The following SAMSN1 variants were observed in gnomAD, a reference collection of about 807,000 sequenced individuals.
SAMSN1 encodes SAM domain, SH3 domain and nuclear localization signals 1.
In SAMSN1, 31 loss-of-function variants were observed where a neutral mutation model predicts 42.0. That is an observed-to-expected ratio of 0.74 (90% CI 0.55 to 1.00). The LOEUF is 1.00. Ranked by LOEUF, SAMSN1 falls within the 50% of genes least tolerant of loss-of-function variation. The pLI is 0.00. For synonymous variants in SAMSN1, 178 were observed against 151.9 expected (o/e 1.17, Z -1.26); for missense variants, 464 against 439.4 (o/e 1.06, Z -0.50).
chr21:14,596,740 T>C (rs2123287459), intron 6 of SAMSN1, among the ~76,000 whole-genome samples: 1 of 152,192 alleles, frequency 6.6e-6, no homozygotes, highest in African/African-American at 2.4e-5. Context: ...CACCTACCTA[T>C]AGCCATGAGA....
At chr21:14,586,262 CA>C (rs67482796), upstream of SAMSN1, among the ~76,000 whole-genome samples, 100 of 50,610 alleles carry the variant, frequency 2.0e-3, no homozygotes, top group South Asian at 3.7e-3. Context: ...GACTCCATCT[CA>C]AAAAAAAAAA....
chr21:14,634,160 CT>C (rs1983404508), intron 2 of SAMSN1, among the ~76,000 whole-genome samples: 2 of 150,870 alleles, frequency 1.3e-5, no homozygotes, highest in Non-Finnish European at 2.9e-5. Context: ...CAAAAATTAA[CT>C]CAAGATGGAT....
intron 4 of SAMSN1, among the ~76,000 whole-genome samples, chr21:14,610,120 G>T (rs2123320843): frequency 6.6e-6 from 1 of 152,280 alleles, no homozygotes; most frequent in East Asian, 1.9e-4. Context: ...TAACCTTAAA[G>T]TCTGGCTGCC....
exon 2 of SAMSN1, chr21:14,582,185 T>G (rs1420862935): frequency 6.4e-7 from 1 of 1,550,556 alleles, no homozygotes; most frequent in East Asian, 2.4e-5. Context: ...GAGACGTGTG[T>G]GGCGAATACA....
chr21:14,504,156 A>C (rs930741872), intron 5 of SAMSN1, among the ~76,000 whole-genome samples: 3 of 152,202 alleles, frequency 2.0e-5, no homozygotes, highest in African/African-American at 7.2e-5. Context: ...AATGAGAAGG[A>C]GCCAGAAAAC....
chr21:14,645,323 G>C (rs1050647146), intron 1 of SAMSN1, among the ~76,000 whole-genome samples: 1 of 152,234 alleles, frequency 6.6e-6, no homozygotes, highest in Non-Finnish European at 1.5e-5. Flanking sequence ...CACAGAGAGA[G>C]ACTCTGTATG....
At chr21:14,600,564 C>T (rs992358907) in intron 6 of SAMSN1, among the ~76,000 whole-genome samples, 3 of 152,134 alleles carry the variant, frequency 2.0e-5, no homozygotes, top group Non-Finnish European at 4.4e-5. Context: ...CCTTCAGAAG[C>T]ATTGTTGTTA....
intron 5 of SAMSN1, among the ~76,000 whole-genome samples, chr21:14,505,194 CA>C (rs113937656): frequency 6.6e-6 from 1 of 151,330 alleles, no homozygotes; most frequent in African/African-American, 2.4e-5. Context: ...CACAAAAAAC[CA>C]AAAAAAATGT....
chr21:14,586,272 A>G (rs1397115377), upstream of SAMSN1, among the ~76,000 whole-genome samples: 1 of 150,010 alleles, frequency 6.7e-6, no homozygotes, highest in Non-Finnish European at 1.5e-5. Flanking sequence ...CAAAAAAAAA[A>G]AAAAAAGAAA....
In SAMSN1 at chr21:14,577,284, A is replaced by ATTTTTTT. The variant is rs58491748; in HGVS notation, c.261+4845_261+4851dup. Among the ~76,000 whole-genome samples, 60 of 53,844 alleles carry ATTTTTTT rather than the reference A, an allele frequency of 1.1e-3. 4 individuals carry two copies. Among genetic ancestry groups the ATTTTTTT allele is most frequent in the East Asian group, 2.2e-3 (4 of 1,836 alleles). The allele number at this position is 53,844 out of a possible 152,430, so 35.3% of individuals were successfully genotyped here. ...TATATATATATATATATATATATAT[A>ATTTTTTT]TTTTTTTTTTAGAAGAGACAGGGTT... On this transcript the variant is annotated intron_variant, in intron 2 of 8. Coordinates refer to the SAMSN1 transcript ENST00000285670.
intron 1 of SAMSN1, among the ~76,000 whole-genome samples, chr21:14,544,125 C>G (rs1335882984): frequency 6.6e-6 from 1 of 152,220 alleles, no homozygotes; most frequent in African/African-American, 2.4e-5. Flanking sequence ...ACACGGCCCA[C>G]TGTAGCCTTC....
At chr21:14,567,560 C>T (rs1236213686) in intron 2 of SAMSN1, among the ~76,000 whole-genome samples, 1 of 152,114 alleles carries the variant, frequency 6.6e-6, no homozygotes, top group East Asian at 1.9e-4. Flanking sequence ...ACAAAACTAC[C>T]TCTGGGGATT....
At chr21:14,647,937 G>C (rs1047593030) in intron 1 of SAMSN1, among the ~76,000 whole-genome samples, 2 of 151,604 alleles carry the variant, frequency 1.3e-5, no homozygotes, top group African/African-American at 4.9e-5. Context: ...TGCGAACAGG[G>C]ACAATTTGAC....
At chr21:14,616,840 G>A (rs1982850148) in intron 2 of SAMSN1, among the ~76,000 whole-genome samples, 1 of 152,130 alleles carries the variant, frequency 6.6e-6, no homozygotes, top group Admixed American at 6.5e-5. Flanking sequence ...TAAAAGGAAA[G>A]GTGAATGGAA....
At chr21:14,517,107 TG>T in intron 2 of SAMSN1, 66 bp from the exon 3 acceptor site, 4 of 1,406,578 alleles carry the variant, frequency 2.8e-6, no homozygotes, top group Non-Finnish European at 3.9e-6. Context: ...CTGAAATCAC[TG>T]TTACAGAGAA....
At chr21:14,651,412 C>A (rs1983834579) in intron 1 of SAMSN1, among the ~76,000 whole-genome samples, 1 of 151,788 alleles carries the variant, frequency 6.6e-6, no homozygotes, top group South Asian at 2.1e-4. Flanking sequence ...ACATCATATC[C>A]ACAGAATGAA....
chr21:14,586,952 A>G (rs532115000), upstream of SAMSN1, among the ~76,000 whole-genome samples: 1 of 152,366 alleles, frequency 6.6e-6, no homozygotes, highest in Non-Finnish European at 1.5e-5. Flanking sequence ...GTATGTGCCC[A>G]TGAAGGGAAA....
chr21:14,618,329 G>A (rs1264375844), intron 2 of SAMSN1, among the ~76,000 whole-genome samples: 3 of 152,144 alleles, frequency 2.0e-5, no homozygotes, highest in Non-Finnish European at 4.4e-5. Context: ...GGGAGAGTCA[G>A]GCACATTAAA....
chr21:14,489,452 C>T (rs1189867108), intron 7 of SAMSN1, among the ~76,000 whole-genome samples: 9 of 152,088 alleles, frequency 5.9e-5, no homozygotes, highest in African/African-American at 2.2e-4. Flanking sequence ...CCCTCTATTT[C>T]TCAGGTCATC....
Sources: gnomAD v4.1 joint callset for allele counts (sites outside exome capture counted in the v4.1 genomes callset) on GRCh38, gnomAD v4.1.1 for gene constraint, MANE v1.5 for transcripts, NCBI Gene and HGNC (gene_info 2026-07-23, HGNC 2026-07-21) for gene names.